Variants in CHD1L observed in about 807,000 individuals in gnomAD.
CHD1L encodes the protein ATP-dependent chromatin remodeler CHD1L.
In CHD1L, 118 loss-of-function variants were observed where a neutral mutation model predicts 115.9. The observed-to-expected ratio is 1.02, with a 90% confidence interval of 0.88 to 1.19. The LOEUF (loss-of-function observed/expected upper bound fraction) is 1.19. CHD1L is among the 50% of genes most tolerant of loss of function. CHD1L has a pLI of 0.00. For missense variants in CHD1L, 1,179 were observed against 1,065.3 expected (o/e 1.11, Z -1.49); for synonymous variants, 411 against 387.1 (o/e 1.06, Z -0.72).
At chr1:147,179,203 T>C in the CHD1L span, 3 of 1,614,080 alleles carry the variant, frequency 1.9e-6, no homozygotes, top group East Asian at 2.2e-5. Context: ...TCTGAAGAGA[T>C]ACCTGAAGTC....
the CHD1L span, among the ~76,000 whole-genome samples, chr1:147,229,535 G>A: frequency 1.6e-4 from 24 of 152,198 alleles, no homozygotes; most frequent in South Asian, 1.4e-3. Flanking sequence ...GTTTTTTCCA[G>A]TTCTGTGAAG....
At chr1:147,286,165 A>G in intron 17 of CHD1L, 133 bp from the exon 18 acceptor site, 1 of 833,782 alleles carries the variant, frequency 1.2e-6, no homozygotes, top group Non-Finnish European at 1.8e-6. Flanking sequence ...ATAAGTAGAA[A>G]ACTTCAATCA....
At chr1:147,177,199 A>G in the CHD1L span, among the ~76,000 whole-genome samples, 1 of 152,182 alleles carries the variant, frequency 6.6e-6, no homozygotes, top group Admixed American at 6.5e-5. Context: ...GAAAATAAAC[A>G]AGTGCTTTAA....
chr1:147,278,600 A>G (rs944311917), intron 14 of CHD1L, among the ~76,000 whole-genome samples: 4 of 151,808 alleles, frequency 2.6e-5, no homozygotes, highest in South Asian at 2.1e-4. Flanking sequence ...AGCAGTAGGT[A>G]TGGAGTTCTG....
chr1:147,194,913 C>T, the CHD1L span, among the ~76,000 whole-genome samples: 5,424 of 151,722 alleles, frequency 0.036, 141 homozygotes, highest in South Asian at 0.089. Flanking sequence ...GTGGGTAACC[C>T]GACCTTTCTC....
chr1:147,203,491 T>C, the CHD1L span: 1 of 857,498 alleles, frequency 1.2e-6, no homozygotes, highest in South Asian at 1.3e-5. Flanking sequence ...TAATCCAACA[T>C]TTTTATTTCC....
chr1:147,255,816 T>C lies in CHD1L; in HGVS notation c.351T>C (p.Phe117=), dbSNP rs1669922974. The part of the protein sequence containing the change: ...LSNWKEEMQR[F]APGLSCVTYA... The stretch of plus-strand genomic sequence containing the variant: ...CTACTTCTTTTCTTGGATTCAGATT[T>C]GCTCCAGGTCTTTCCTGTGTAACAT... Residue 117 remains phenylalanine, a synonymous_variant, in exon 4 of 23, where the codon TTT becomes TTC. Transcript: ENST00000369258. The C allele has an allele frequency of 6.2e-7, 1 of 1,602,880 alleles. No homozygotes were observed. Among genetic ancestry groups the C allele is most frequent in the Non-Finnish European group, 8.5e-7 (1 of 1,173,118 alleles).
chr1:147,225,084 A>G, the CHD1L span: 2 of 1,611,900 alleles, frequency 1.2e-6, no homozygotes, highest in Non-Finnish European at 1.7e-6. Flanking sequence ...AAGGATGACA[A>G]AAGACAAAAA....
intron 10 of CHD1L, among the ~76,000 whole-genome samples, chr1:147,269,098 A>T (rs1233722422): frequency 1.3e-5 from 2 of 151,870 alleles, no homozygotes; most frequent in Non-Finnish European, 2.9e-5. Context: ...AGCACTTATA[A>T]TCCTAATCCA....
the CHD1L span, among the ~76,000 whole-genome samples, chr1:147,194,011 T>A: frequency 6.6e-6 from 1 of 152,152 alleles, no homozygotes; most frequent in African/African-American, 2.4e-5. Context: ...GTTCTGTAGA[T>A]GTCTATTAGG....
At chr1:147,234,900 A>G in the CHD1L span, among the ~76,000 whole-genome samples, 2 of 152,220 alleles carry the variant, frequency 1.3e-5, no homozygotes, top group Non-Finnish European at 2.9e-5. Context: ...ACTAGGGTAA[A>G]TCACATCCAC....
At chr1:147,249,402 G>GTTTTTT (rs1367949319) in intron 1 of CHD1L, among the ~76,000 whole-genome samples, 3 of 26,976 alleles carry the variant, frequency 1.1e-4, no homozygotes, top group Admixed American at 4.9e-4. Flanking sequence ...ATCTTGGTGT[G>GTTTTTT]TATTTTTTTT....
chr1:147,200,577 T>A, the CHD1L span, among the ~76,000 whole-genome samples: 1 of 92,904 alleles, frequency 1.1e-5, no homozygotes, highest in African/African-American at 4.2e-5. Flanking sequence ...TACTGACTCA[T>A]ATGAAACCTA....
In CHD1L at chr1:147,259,909, C is replaced by T. The variant is rs200538213; in HGVS notation, c.567C>T (p.Thr189=). 72 of 1,613,008 alleles carry T rather than the reference C, an allele frequency of 4.5e-5. No individual in the cohort carries two copies. In the African/African-American group the frequency reaches 7.5e-4, roughly 17 times the overall value. ...LKNQSSLLHK[T]LSEFSVVFSL... Reference sequence around the variant, plus strand: ...ACCAAAGCTCCCTGCTGCATAAGACCTTGTCAGAGGTAAACTTACAGTGTA... The same window carrying T: ...ACCAAAGCTCCCTGCTGCATAAGACTTTGTCAGAGGTAAACTTACAGTGTA... Residue 189 remains threonine, a synonymous_variant, in exon 6 of 23, where the codon ACC becomes ACT. Coordinates refer to ENST00000369258, the MANE Select transcript of CHD1L (RefSeq NM_004284.6).
rs1418585324 is a variant in CHD1L at position 147,242,778 on chromosome 1, A to G, written c.75A>G (p.Arg25=). Residue 25 remains arginine (R), a synonymous_variant, in exon 1 of 23, where the codon CGA becomes CGG. Transcript: ENST00000369258. ...TACTGCGGCTTCATACTGAGGGCCG[A>G]GCCGAGGCGGCGCGGGTGCAGGAGC... is the stretch of plus-strand genomic sequence containing the variant. ...GFLLRLHTEG[R]AEAARVQEQD... 1.6e-6 allele frequency: 2 copies of G among 1,270,822 alleles called. No individual in the cohort carries two copies. Among genetic ancestry groups the G allele is most frequent in the Admixed American group, 3.8e-5 (1 of 26,358 alleles). 78.7% of individuals were successfully genotyped at this position (1,270,822 alleles called of 1,614,324 possible).
Position 147,285,428 on chromosome 1 carries a change from G to A in CHD1L, c.1959G>A (p.Lys653=). ...RQKKRQEAAA[K]RRRLIEEKKR... is the part of the protein sequence containing the mutation. ...AGAAAAGACAAGAAGCAGCTGCCAA[G>A]AGAAGGAGACTCATAGAGGAGAAGA... Residue 653 remains lysine, a synonymous_variant, in exon 17 of 23, where the codon AAG becomes AAA. Transcript: ENST00000369258. The A allele has an allele frequency of 6.2e-7, 1 of 1,614,048 alleles. No homozygotes were observed. Among genetic ancestry groups the A allele is most frequent in the Non-Finnish European group, 8.5e-7 (1 of 1,179,996 alleles).
chr1:147,179,750 A>ACCT, the CHD1L span: 5 of 633,710 alleles, frequency 7.9e-6, no homozygotes, highest in Admixed American at 5.7e-5. Flanking sequence ...GAATGGATAT[A>ACCT]ATCTGAATCC....
intron 1 of CHD1L, chr1:147,243,085 G>A (rs1211495959): frequency 2.2e-5 from 7 of 324,642 alleles, no homozygotes; most frequent in African/African-American, 4.3e-5. Flanking sequence ...CCTGGCCCCT[G>A]GCCTGTGGAG....
At chr1:147,215,733 G>T in the CHD1L span, 1 of 1,550,566 alleles carries the variant, frequency 6.4e-7, no homozygotes, top group Non-Finnish European at 8.8e-7. Flanking sequence ...CAAACACAAA[G>T]ATACCCACAC....
Sources: allele counts gnomAD v4.1 joint callset (sites outside exome capture counted in the v4.1 genomes callset), GRCh38; gene constraint gnomAD v4.1.1; transcripts MANE v1.5; gene names NCBI Gene and HGNC (gene_info 2026-07-23, HGNC 2026-07-21).